NPRL3: variants seen among roughly 807,000 people sequenced by gnomAD.
NPRL3 encodes NPR3 like, GATOR1 complex subunit.
A neutral mutation model predicts 57.2 loss-of-function variants in NPRL3; 23 were observed. The ratio of observed to expected loss-of-function variants is 0.40; its 90% CI spans 0.29 to 0.57. The LOEUF is 0.57. Among genes scored for constraint, NPRL3 ranks in the 20% least tolerant of loss-of-function variants. NPRL3 has a pLI of 0.42. For synonymous variants in NPRL3, 333 were observed against 321.1 expected, an observed-to-expected ratio of 1.04 and a Z score of -0.39; for missense variants, 691 against 767.1, an observed-to-expected ratio of 0.90 and a Z score of 1.17.
intron 3 of NPRL3, among the ~76,000 whole-genome samples, chr16:127,695 C>A (rs1400529267): frequency 6.7e-6 from 1 of 149,748 alleles, no homozygotes; most frequent in Non-Finnish European, 1.5e-5. Flanking sequence ...CACTCTGTTG[C>A]CCAGGCTGGA....
intron 3 of NPRL3, among the ~76,000 whole-genome samples, chr16:124,226 C>T (rs1180114154): frequency 1.3e-5 from 2 of 152,232 alleles, no homozygotes; most frequent in African/African-American, 4.8e-5. Context: ...CACAGAAGTA[C>T]AGGCTGGGCA....
rs371517875 is a variant in NPRL3 at position 86,820 on chromosome 16, T to C, written c.1595A>G (p.Asn532Ser). 9.9e-6 allele frequency: 16 copies of C among 1,613,366 alleles called. No individual in the cohort carries two copies. In the South Asian group the frequency reaches 1.4e-4, roughly 14 times the overall value. Residue 532 changes from asparagine to serine, a missense_variant, in exon 14 of 14, where the codon AAC becomes AGC. By Grantham distance (46) the Asn-to-Ser change is conservative (BLOSUM62 1). Transcript: ENST00000611875. ...GRHHLEEIMY[N>S]ENTRRSQLLM... ...CAGCTGGGAGCGCCGCGTGTTCTCG[T>C]TGTACATAATCTCCTCCAGGTGGTG...
At chr16:115,219 C>A (rs1899978572) in intron 5 of NPRL3, among the ~76,000 whole-genome samples, 1 of 151,986 alleles carries the variant, frequency 6.6e-6, no homozygotes, top group African/African-American at 2.4e-5. Flanking sequence ...AAGTGATCCA[C>A]CCACCTTGGC....
chr16:103,308 T>TGTTTGTTTG lies in NPRL3; in HGVS notation c.630-2800_630-2799insCAAACAAAC, dbSNP rs1567136042. 2.2e-3 allele frequency among the ~76,000 whole-genome samples: 271 copies of TGTTTGTTTG among 124,826 alleles called. 5 individuals are homozygous for TGTTTGTTTG. Among genetic ancestry groups the TGTTTGTTTG allele is most frequent in the African/African-American group, 8.0e-3 (256 of 32,152 alleles). 81.9% of individuals were successfully genotyped at this position (124,826 alleles called of 152,430 possible). A position where few individuals can be genotyped will look rare whatever the true frequency, so the allele number is the denominator to read the frequency against. On this transcript the variant is annotated intron_variant, in intron 7 of 13. Coordinates refer to ENST00000611875, the MANE Select transcript of NPRL3 (RefSeq NM_001077350.3). ...CACGCCTGGGGTGATTTTTTTTTTTTTTTTTTTTTTTTTTTTTGTAGAGAC... is the reference window on the plus strand; with the variant it reads ...CACGCCTGGGGTGATTTTTTTTTTTTGTTTGTTTGTTTTTTTTTTTTTTTTTGTAGAGAC...
intron 3 of NPRL3, among the ~76,000 whole-genome samples, chr16:120,068 G>A (rs551678735): frequency 6.6e-6 from 1 of 152,280 alleles, no homozygotes; most frequent in Admixed American, 6.5e-5. Context: ...TCACCTGCAG[G>A]GGTGCTGTGG....
intron 7 of NPRL3, among the ~76,000 whole-genome samples, chr16:109,168 A>G (rs1374681618): frequency 1.3e-5 from 2 of 150,918 alleles, no homozygotes; most frequent in African/African-American, 4.9e-5. Context: ...GCGATCTCAC[A>G]TTGTTGTTCA....
intron 9 of NPRL3, among the ~76,000 whole-genome samples, chr16:94,003 C>A (rs1381607435): frequency 6.6e-6 from 1 of 152,150 alleles, no homozygotes; most frequent in African/African-American, 2.4e-5. Context: ...CAGTGCTGGC[C>A]CAGCTGGGCA....
At chr16:132,167 C>T (rs1900841851) in intron 2 of NPRL3, among the ~76,000 whole-genome samples, 3 of 152,028 alleles carry the variant, frequency 2.0e-5, no homozygotes, top group Admixed American at 6.6e-5. Flanking sequence ...ACACCCATGT[C>T]CGGCTAGTTT....
intron 2 of NPRL3, among the ~76,000 whole-genome samples, chr16:133,946 T>A (rs1900933005): frequency 6.6e-6 from 1 of 152,194 alleles, no homozygotes; most frequent in South Asian, 2.1e-4. Flanking sequence ...ACAGCCAGAA[T>A]ACACACAATT....
chr16:124,252 T>C (rs909180934), intron 3 of NPRL3, among the ~76,000 whole-genome samples: 4 of 152,246 alleles, frequency 2.6e-5, no homozygotes, highest in Non-Finnish European at 5.9e-5. Context: ...AAAAGTCATT[T>C]TTCAGAAGTA....
chr16:99,589 G>T (rs1440818891), intron 8 of NPRL3, among the ~76,000 whole-genome samples: 2 of 150,454 alleles, frequency 1.3e-5, no homozygotes, highest in African/African-American at 2.5e-5. Flanking sequence ...GCTTCACTGA[G>T]TGGAGACTGT....
chr16:127,811 T>C (rs12925183), intron 3 of NPRL3, among the ~76,000 whole-genome samples: 4,487 of 151,544 alleles, frequency 0.03, 142 homozygotes, highest in South Asian at 0.16. Flanking sequence ...CCCGCCACCA[T>C]GCCCGGATAA....
intron 2 of NPRL3, among the ~76,000 whole-genome samples, chr16:137,085 T>G (rs1343931251): frequency 6.8e-6 from 1 of 147,904 alleles, no homozygotes; most frequent in Admixed American, 6.7e-5. Flanking sequence ...CAGGGTGTGG[T>G]GCACATGCCC....
intron 3 of NPRL3, among the ~76,000 whole-genome samples, chr16:119,892 C>T (rs1900211946): frequency 6.6e-6 from 1 of 152,224 alleles, no homozygotes; most frequent in African/African-American, 2.4e-5. Flanking sequence ...TTCCAAATGG[C>T]AGAAATACCA....
intron 9 of NPRL3, 135 bp from the exon 10 acceptor site, chr16:93,460 G>A: frequency 6.1e-6 from 4 of 653,722 alleles, no homozygotes; most frequent in Non-Finnish European, 5.5e-6. Flanking sequence ...AACACACCTG[G>A]TGGCTATGGC....
At chr16:116,787 A>ACCCCCCCCCCCC (rs71391112) in intron 5 of NPRL3, among the ~76,000 whole-genome samples, 23 of 85,928 alleles carry the variant, frequency 2.7e-4, no homozygotes, top group Non-Finnish European at 3.4e-4. Flanking sequence ...ACATGGCGAG[A>ACCCCCCCCCCCC]CCCCCCCCCC....
At chr16:118,197 A>G (rs1425660805) in intron 4 of NPRL3, among the ~76,000 whole-genome samples, 1 of 152,176 alleles carries the variant, frequency 6.6e-6, no homozygotes, top group East Asian at 1.9e-4. Flanking sequence ...CTGGATCTGT[A>G]TAAATGTAGC....
At chr16:94,739 C>T (rs1178977986) in intron 9 of NPRL3, among the ~76,000 whole-genome samples, 8 of 152,084 alleles carry the variant, frequency 5.3e-5, no homozygotes. Context: ...CTCCGCCAAC[C>T]CCGACATGGC....
At chr16:90,192 G>C (rs928484929) in intron 11 of NPRL3, 1 of 415,468 alleles carries the variant, frequency 2.4e-6, no homozygotes, top group African/African-American at 2.1e-5. Flanking sequence ...GACCTGAGAC[G>C]TGGAGGCCCC....
Sources: gnomAD v4.1 joint callset for allele counts (sites outside exome capture counted in the v4.1 genomes callset) on GRCh38, gnomAD v4.1.1 for gene constraint, MANE v1.5 for transcripts, NCBI Gene and HGNC (gene_info 2026-07-23, HGNC 2026-07-21) for gene names.